TRIO: variants seen among roughly 807,000 people sequenced by gnomAD.
TRIO encodes trio Rho guanine nucleotide exchange factor, also known as triple functional domain protein.
In TRIO, 58 loss-of-function variants were observed where a neutral mutation model predicts 351.9. That is an observed-to-expected ratio of 0.16 (90% CI 0.13 to 0.21). The LOEUF is 0.21. Among genes scored for constraint, TRIO ranks in the 10% least tolerant of loss-of-function variants. TRIO has a pLI of 1.00. For synonymous variants in TRIO, 1,758 were observed against 1,595.7 expected (o/e 1.10, Z -2.42); for missense variants, 3,201 against 4,027.8 (o/e 0.79, Z 5.56).
intron 11 of TRIO, among the ~76,000 whole-genome samples, chr5:14,339,031 G>A (rs903323571): frequency 8.5e-5 from 13 of 152,090 alleles, no homozygotes; most frequent in African/African-American, 2.4e-4. Flanking sequence ...AGACACTAAA[G>A]GATAACTGGA....
At position 14,476,971 on chromosome 5, in the gene TRIO, C is replaced by G. The variant is rs1561535090; in HGVS notation, c.6153+8C>G. 15 of 1,610,146 alleles carry G rather than the reference C, an allele frequency of 9.3e-6. No homozygotes were observed. Among genetic ancestry groups the G allele is most frequent in the Non-Finnish European group, 1.3e-5 (15 of 1,176,694 alleles). On this transcript the variant is annotated splice_region_variant and intron_variant, in intron 41 of 56. Coordinates refer to ENST00000344204, the MANE Select transcript of TRIO (RefSeq NM_007118.4). ...TCCCTTTTTGTTAAACACGTAAGCA[C>G]AATAGCATTGCTTATATCCTGTTCT...
chr5:14,505,247 G>A (rs1487107171), intron 55 of TRIO, among the ~76,000 whole-genome samples: 1 of 152,254 alleles, frequency 6.6e-6, no homozygotes, highest in Non-Finnish European at 1.5e-5. Flanking sequence ...TGTCAGGAGA[G>A]CTCAGGCTGG....
intron 1 of TRIO, among the ~76,000 whole-genome samples, chr5:14,202,249 A>G (rs1202459226): frequency 6.6e-6 from 1 of 150,760 alleles, no homozygotes; most frequent in Non-Finnish European, 1.5e-5. Context: ...CCATGGACCA[A>G]CACAAATTCA....
Position 14,482,772 on chromosome 5 carries a change from A to G in TRIO, c.6656A>G (p.Lys2219Arg). 1 of 1,579,562 alleles carries G rather than the reference A, an allele frequency of 6.3e-7. No individual in the cohort carries two copies. The highest frequency in any genetic ancestry group is 8.6e-7 in the Non-Finnish European group (1 of 1,158,346). The stretch of plus-strand genomic sequence containing the variant: ...GGATTCCTGTTTAAGAACAGTATCA[A>G]GGTAACGTGTGTCTCTGTGTGATTT... ...MPGFLFKNSI[K>R]VSCLCLEENV... Residue 2219 changes from lysine to arginine, a missense_variant and splice_region_variant, in exon 46 of 57, where the codon AAG becomes AGG. By Grantham distance (26) the Lys-to-Arg change is conservative. This residue lies in a region of TRIO where 1,089 missense variants were observed against 954.9 expected (regional missense o/e 1.14). Transcript: ENST00000344204.
intron 34 of TRIO, 159 bp downstream of exon 34, chr5:14,420,180 G>A (rs749830474): frequency 5.5e-6 from 6 of 1,092,362 alleles, no homozygotes; most frequent in African/African-American, 1.6e-5. Flanking sequence ...CAGTCCATCA[G>A]CACCTGAAGA....
chr5:14,354,985 T>G (rs1438130897), intron 11 of TRIO, among the ~76,000 whole-genome samples: 1 of 152,218 alleles, frequency 6.6e-6, no homozygotes, highest in Non-Finnish European at 1.5e-5. Flanking sequence ...GCAGAATCAG[T>G]GCAGTTGCAC....
At chr5:14,223,124 G>T (rs1792754723) in intron 1 of TRIO, among the ~76,000 whole-genome samples, 1 of 152,156 alleles carries the variant, frequency 6.6e-6, no homozygotes, top group South Asian at 2.1e-4. Flanking sequence ...AGTTGTCCCA[G>T]CTCTGCCCCA....
At chr5:14,351,770 G>A (rs560814914) in intron 11 of TRIO, among the ~76,000 whole-genome samples, 1 of 152,316 alleles carries the variant, frequency 6.6e-6, no homozygotes, top group African/African-American at 2.4e-5. Flanking sequence ...GACGGACACC[G>A]ATTTTAGCCT....
chr5:14,409,378 C>CAAAA lies in TRIO; in HGVS notation c.4959+2718_4959+2721dup, dbSNP rs533985839. ...CACTACCAGAACAGTATAGGTTTGC[C>CAAAA]AAAAAAAAAAAAAAAGCAAATTTTA... is the stretch of plus-strand genomic sequence containing the variant. On this transcript the variant is annotated intron_variant, in intron 33 of 56. Transcript: ENST00000344204. Among the ~76,000 whole-genome samples, 7 of 83,986 alleles carry CAAAA rather than the reference C, an allele frequency of 8.3e-5. No individual in the cohort carries two copies. In the South Asian group the frequency reaches 1.9e-3, roughly 23 times the overall value. The allele number at this position is 83,986 out of a possible 152,430, so 55.1% of individuals were successfully genotyped here.
intron 1 of TRIO, among the ~76,000 whole-genome samples, chr5:14,220,926 G>T (rs1321046588): frequency 6.6e-6 from 1 of 152,238 alleles, no homozygotes; most frequent in East Asian, 1.9e-4. Context: ...AGGCAAAACA[G>T]CCTTCTATTG....
At chr5:14,356,167 G>A (rs1233132696) in intron 11 of TRIO, among the ~76,000 whole-genome samples, 2 of 152,100 alleles carry the variant, frequency 1.3e-5, no homozygotes, top group African/African-American at 2.4e-5. Flanking sequence ...TTTTAAATGT[G>A]TACTGACCTG....
intron 33 of TRIO, among the ~76,000 whole-genome samples, chr5:14,410,238 C>A (rs1200739527): frequency 1.3e-5 from 2 of 152,170 alleles, no homozygotes; most frequent in Admixed American, 1.3e-4. Context: ...TGCGGCCTTA[C>A]AAACAAGAAG....
intron 34 of TRIO, among the ~76,000 whole-genome samples, chr5:14,448,372 A>G (rs7721569): frequency 0.031 from 4,785 of 152,310 alleles, 250 homozygotes; most frequent in African/African-American, 0.11. Context: ...ATGGGGTCAC[A>G]TGCTGCATCC....
intron 48 of TRIO, chr5:14,488,829 T>A: frequency 1.5e-6 from 1 of 674,006 alleles, no homozygotes; most frequent in South Asian, 1.6e-5. Context: ...CGTCACCGTG[T>A]TGCTCTGGAA....
At chr5:14,308,373 T>C (rs1334256649) in intron 8 of TRIO, among the ~76,000 whole-genome samples, 4 of 103,752 alleles carry the variant, frequency 3.9e-5, no homozygotes, top group African/African-American at 1.9e-4. Context: ...CCCATTCATC[T>C]GTCCATCCAT....
chr5:14,318,741 A>G (rs1739604256), intron 9 of TRIO, among the ~76,000 whole-genome samples: 1 of 152,226 alleles, frequency 6.6e-6, no homozygotes, highest in South Asian at 2.1e-4. Flanking sequence ...CGTGTTTTTG[A>G]ATTGTCCAAA....
At position 14,361,029 on chromosome 5, in the gene TRIO, G is replaced by A. The variant is rs1051257920; in HGVS notation, c.2391+1498G>A. Among the ~76,000 whole-genome samples the A allele has an allele frequency of 3.9e-5, 6 of 152,074 alleles. No individual in the cohort carries two copies. The South Asian group carries it at 6.2e-4, about 16-fold the overall frequency. On this transcript the variant is annotated intron_variant, in intron 13 of 56. Coordinates refer to ENST00000344204, the MANE Select transcript of TRIO (RefSeq NM_007118.4). ...CCCAAGGTAGCAGCACAGAATAAAC[G>A]GGAGGCCAGCCACGCCTACTTTCCT... is the stretch of plus-strand genomic sequence containing the variant.
At position 14,268,632 on chromosome 5, in the gene TRIO, G is replaced by A. The variant is rs188473842; in HGVS notation, c.158-2193G>A. ...GAAGGGGGAATCCTCCCTTCAAACA[G>A]ATAGGGATCTACAGCTGTCGCTTAC... On this transcript the variant is annotated intron_variant, in intron 1 of 56. Coordinates refer to ENST00000344204, the MANE Select transcript of TRIO (RefSeq NM_007118.4). Among the ~76,000 whole-genome samples, 454 of 152,346 alleles carry A rather than the reference G, an allele frequency of 3.0e-3. 2 individuals are homozygous for A. The highest frequency in any genetic ancestry group is 6.8e-3 in the Middle Eastern group (2 of 294).
intron 1 of TRIO, among the ~76,000 whole-genome samples, chr5:14,217,627 C>T (rs963817870): frequency 9.2e-5 from 14 of 152,170 alleles, no homozygotes; most frequent in African/African-American, 3.4e-4. Context: ...ATGACAAGGG[C>T]ATACCTGACT....
Sources: gnomAD v4.1 joint callset for allele counts (sites outside exome capture counted in the v4.1 genomes callset) on GRCh38, gnomAD v4.1.1 for gene constraint, gnomAD v4.1.1 regional missense constraint, MANE v1.5 for transcripts, NCBI Gene and HGNC (gene_info 2026-07-23, HGNC 2026-07-21) for gene names.